The following ARHGAP26 variants were observed in gnomAD, a reference collection of about 807,000 sequenced individuals.
ARHGAP26 encodes the protein rho GTPase-activating protein 26.
A neutral mutation model predicts 104.8 loss-of-function variants in ARHGAP26; 38 were observed. That is an observed-to-expected ratio of 0.36 (90% CI 0.28 to 0.48). The LOEUF (loss-of-function observed/expected upper bound fraction) is 0.48, where lower values mean the gene tolerates loss of function less well. ARHGAP26 is among the 20% of genes least tolerant of loss of function. The probability of loss-of-function intolerance (pLI) is 0.99; values close to 1 mark genes in which losing one functional copy is unlikely to be tolerated. For missense variants in ARHGAP26, 704 were observed against 947.9 expected (o/e 0.74, Z 3.38); for synonymous variants, 341 against 340.0 (o/e 1.00, Z -0.03).
chr5:143,088,328 G>A (rs1377624790), intron 17 of ARHGAP26, among the ~76,000 whole-genome samples: 2 of 152,122 alleles, frequency 1.3e-5, no homozygotes, highest in Non-Finnish European at 1.5e-5. Flanking sequence ...TGTTATAGTG[G>A]GACATATACG....
intron 1 of ARHGAP26, among the ~76,000 whole-genome samples, chr5:142,814,327 G>A (rs1597739567): frequency 1.3e-5 from 2 of 152,382 alleles, no homozygotes; most frequent in East Asian, 3.9e-4. Flanking sequence ...GCCTACAAGA[G>A]AGGTTTGGAA....
intron 11 of ARHGAP26, among the ~76,000 whole-genome samples, chr5:142,936,862 T>A (rs1180800915): frequency 1.3e-5 from 2 of 151,554 alleles, no homozygotes; most frequent in Non-Finnish European, 2.9e-5. Flanking sequence ...TCATATCTTA[T>A]ACAAAATTTA....
intron 21 of ARHGAP26, among the ~76,000 whole-genome samples, chr5:143,209,593 C>A (rs1474330080): frequency 6.6e-6 from 1 of 152,074 alleles, no homozygotes; most frequent in Non-Finnish European, 1.5e-5. Context: ...CCAGCCTGGA[C>A]AACGTGACAA....
chr5:143,060,212 C>A (rs1488624162), intron 17 of ARHGAP26, among the ~76,000 whole-genome samples: 1 of 152,190 alleles, frequency 6.6e-6, no homozygotes. Context: ...AGCTTCCTTC[C>A]TAAGTTTTGG....
intron 11 of ARHGAP26, chr5:142,946,538 T>G (rs982959298): frequency 7.9e-5 from 12 of 152,230 alleles, no homozygotes; most frequent in Non-Finnish European, 1.8e-4. Context: ...CTGGCTTTTC[T>G]GTCAATTTCT....
intron 11 of ARHGAP26, among the ~76,000 whole-genome samples, chr5:142,997,330 C>G (rs1418897620): frequency 6.6e-6 from 1 of 152,166 alleles, no homozygotes; most frequent in Non-Finnish European, 1.5e-5. Flanking sequence ...TGCATGTTCA[C>G]TGATGGTGTT....
At chr5:142,830,371 A>T (rs1768154844) in intron 1 of ARHGAP26, among the ~76,000 whole-genome samples, 1 of 152,188 alleles carries the variant, frequency 6.6e-6, no homozygotes, top group Non-Finnish European at 1.5e-5. Flanking sequence ...CAATGATTAA[A>T]AATTATTTTG....
intron 18 of ARHGAP26, among the ~76,000 whole-genome samples, chr5:143,133,418 G>A (rs1797580937): frequency 6.6e-6 from 1 of 152,162 alleles, no homozygotes; most frequent in Admixed American, 6.5e-5. Flanking sequence ...ATAACACGGA[G>A]CTGCTGAACT....
intron 17 of ARHGAP26, among the ~76,000 whole-genome samples, chr5:143,112,154 CA>C (rs1184069547): frequency 6.6e-6 from 1 of 152,114 alleles, no homozygotes; most frequent in Admixed American, 6.6e-5. Flanking sequence ...ATTTATAATT[CA>C]GTAAGTACCA....
intron 10 of ARHGAP26, among the ~76,000 whole-genome samples, chr5:142,929,016 C>T (rs1273079762): frequency 6.6e-6 from 1 of 152,206 alleles, no homozygotes; most frequent in Non-Finnish European, 1.5e-5. Flanking sequence ...TGGCTCACTG[C>T]AGCCTCCGCC....
chr5:142,939,203 T>TGG (rs1212721467), intron 11 of ARHGAP26, among the ~76,000 whole-genome samples: 2 of 152,190 alleles, frequency 1.3e-5, no homozygotes, highest in African/African-American at 4.8e-5. Context: ...TCAGGTCTCT[T>TGG]AGCTTCCAGT....
intron 17 of ARHGAP26, among the ~76,000 whole-genome samples, chr5:143,063,476 T>C (rs773014233): frequency 1.3e-5 from 2 of 152,174 alleles, no homozygotes; most frequent in Non-Finnish European, 2.9e-5. Context: ...GCTCTTAAGA[T>C]AAAACCCTGG....
chr5:143,024,036 T>C (rs1301374797), intron 12 of ARHGAP26, among the ~76,000 whole-genome samples: 1 of 152,242 alleles, frequency 6.6e-6, no homozygotes, highest in Non-Finnish European at 1.5e-5. Flanking sequence ...ATGAGTTGCC[T>C]GTGCAACACA....
At chr5:142,924,979 G>A (rs139674536) in intron 10 of ARHGAP26, among the ~76,000 whole-genome samples, 47 of 152,366 alleles carry the variant, frequency 3.1e-4, no homozygotes, top group Middle Eastern at 6.8e-3. Context: ...ATGACCTAGG[G>A]TGAAGCTCAG....
chr5:142,966,735 T>A (rs1483647284), intron 11 of ARHGAP26, among the ~76,000 whole-genome samples: 1 of 152,234 alleles, frequency 6.6e-6, no homozygotes, highest in Non-Finnish European at 1.5e-5. Context: ...TTCAAATGTT[T>A]TATTTTACTT....
intron 11 of ARHGAP26, among the ~76,000 whole-genome samples, chr5:142,963,169 T>TATATATATATATATATAC (rs1770575821): frequency 1.7e-5 from 1 of 59,492 alleles, no homozygotes; most frequent in Non-Finnish European, 2.8e-5. Context: ...CCATGGTATA[T>TATATATATATATATATAC]ATGTATATAT....
chr5:143,190,037 A>C (rs1412787593), intron 20 of ARHGAP26, among the ~76,000 whole-genome samples: 1 of 144,950 alleles, frequency 6.9e-6, no homozygotes, highest in African/African-American at 2.7e-5. Context: ...AGGGGGGGGA[A>C]AAAAAAAAAA....
At chr5:142,907,564 G>A in intron 8 of ARHGAP26, 140 bp from the exon 9 acceptor site, 1 of 435,618 alleles carries the variant, frequency 2.3e-6, no homozygotes, top group Non-Finnish European at 4.2e-6. Flanking sequence ...TCTAGCTAGT[G>A]TGGAGAATAT....
chr5:143,130,330 G>A (rs943025797), intron 18 of ARHGAP26, among the ~76,000 whole-genome samples: 2 of 152,208 alleles, frequency 1.3e-5, no homozygotes, highest in African/African-American at 4.8e-5. Flanking sequence ...AAGGCTTACA[G>A]TCTTCCTTAC....
Sources: allele counts gnomAD v4.1 joint callset (sites outside exome capture counted in the v4.1 genomes callset), GRCh38; gene constraint gnomAD v4.1.1; transcripts MANE v1.5; gene names NCBI Gene and HGNC (gene_info 2026-07-23, HGNC 2026-07-21).